Variants in GLT1D1 observed in about 807,000 individuals in gnomAD.
GLT1D1 encodes the protein glycosyltransferase 1 domain containing 1.
Under a neutral mutation model 28.7 loss-of-function variants are expected in GLT1D1, and 21 were observed. The observed-to-expected ratio is 0.73, with a 90% CI of 0.52 to 1.05. The LOEUF is 1.05. Among genes scored for constraint, GLT1D1 ranks in the 50% least tolerant of loss-of-function variants. The probability of loss-of-function intolerance (pLI) is 0.00; values close to 1 mark genes in which losing one functional copy is unlikely to be tolerated. For synonymous variants in GLT1D1, 147 were observed against 124.8 expected (o/e 1.18, Z -1.19); for missense variants, 343 against 330.6 (o/e 1.04, Z -0.29).
chr12:128,977,112 C>G (rs537696172), intron 7 of GLT1D1, among the ~76,000 whole-genome samples: 2 of 152,294 alleles, frequency 1.3e-5, no homozygotes, highest in East Asian at 3.9e-4. Context: ...CGCCGCTGCA[C>G]TCCAGCCTGG....
Position 128,983,519 on chromosome 12 carries a change from G to C in GLT1D1, c.*429G>C. On this transcript the variant is annotated 3_prime_UTR_variant, in exon 8 of 8. Coordinates refer to ENST00000281703, the MANE Select transcript of GLT1D1 (RefSeq NM_144669.3). The surrounding 1 kb of genome is among the most constrained non-coding windows in gnomAD (Gnocchi z 4.7). ...CAGTTTGAAAGGCAAAAGCAAAACA[G>C]ACGTGTCAGCTGAGCCGAGTCCTCG... 1 of 165,064 alleles carries C rather than the reference G, an allele frequency of 6.1e-6. No homozygotes were observed. The highest frequency in any genetic ancestry group is 1.3e-5 in the Non-Finnish European group (1 of 74,918). 10.2% of individuals were successfully genotyped at this position (165,064 alleles called of 1,614,324 possible). A position where few individuals can be genotyped will look rare whatever the true frequency, so the allele number is the denominator to read the frequency against.
intron 4 of GLT1D1, among the ~76,000 whole-genome samples, chr12:128,908,010 C>T (rs1017556205): frequency 4.6e-5 from 7 of 152,196 alleles, no homozygotes; most frequent in African/African-American, 1.4e-4. Flanking sequence ...TTTCTTGAGT[C>T]GCCCCAGTAG....
intron 1 of GLT1D1, among the ~76,000 whole-genome samples, chr12:128,872,943 T>A (rs1272622349): frequency 1.3e-5 from 2 of 152,142 alleles, no homozygotes; most frequent in African/African-American, 4.8e-5. Flanking sequence ...AGACCCAGGC[T>A]GAAGTGTAGT....
chr12:128,909,523 G>A (rs480893), intron 4 of GLT1D1, among the ~76,000 whole-genome samples: 148,465 of 152,308 alleles, frequency 0.97, 72,472 homozygotes, highest in East Asian at 1. Context: ...CAAAGCCACA[G>A]TCTGAAGTTG....
intron 2 of GLT1D1, among the ~76,000 whole-genome samples, chr12:128,877,635 C>G (rs1956900902): frequency 1.3e-5 from 2 of 152,114 alleles, no homozygotes; most frequent in Admixed American, 1.3e-4. Flanking sequence ...ACCTCTTATC[C>G]CCACTGTATT....
At chr12:128,926,237 A>G (rs549179195) in intron 4 of GLT1D1, 122 bp from the exon 7 acceptor site, 27 of 284,532 alleles carry the variant, frequency 9.5e-5, no homozygotes, top group African/African-American at 5.6e-4. Context: ...AATAATAATA[A>G]GAGTAGGAGA....
At chr12:128,891,155 A>G (rs1042295181) in intron 3 of GLT1D1, among the ~76,000 whole-genome samples, 1 of 151,918 alleles carries the variant, frequency 6.6e-6, no homozygotes, top group Non-Finnish European at 1.5e-5. Flanking sequence ...TAAATAAAAT[A>G]ATGATAAAAG....
intron 4 of GLT1D1, among the ~76,000 whole-genome samples, chr12:128,939,330 G>A (rs1052747693): frequency 6.6e-6 from 1 of 151,812 alleles, no homozygotes; most frequent in Non-Finnish European, 1.5e-5. Flanking sequence ...GGGAGGCCAA[G>A]GTGGGCGGAT....
intron 6 of GLT1D1, among the ~76,000 whole-genome samples, chr12:128,954,180 A>G (rs1409379506): frequency 4.1e-5 from 6 of 148,064 alleles, no homozygotes; most frequent in Non-Finnish European, 6.0e-5. Flanking sequence ...CTGGAGTGCA[A>G]TGGCGCGATC....
intron 2 of GLT1D1, among the ~76,000 whole-genome samples, chr12:128,881,084 C>A (rs369030310): frequency 1.3e-5 from 2 of 151,204 alleles, no homozygotes; most frequent in Admixed American, 1.3e-4. Flanking sequence ...TTTAGCCGGG[C>A]GTGTTGGCGG....
intron 7 of GLT1D1, among the ~76,000 whole-genome samples, chr12:128,982,295 TGTG>T (rs1426123974): frequency 1.3e-5 from 2 of 152,168 alleles, no homozygotes; most frequent in Admixed American, 6.5e-5. Flanking sequence ...AGATGGGAAA[TGTG>T]GTGCTCAGAG....
rs990596703 is a variant in GLT1D1, at chr12:128,903,972, G to A, written c.375+4685G>A. On this transcript the variant is annotated intron_variant, in intron 4 of 7. Coordinates refer to ENST00000281703, the MANE Select transcript of GLT1D1 (RefSeq NM_144669.3). ...TCTCGAACTCCTGACCATGTGATCCGCCCGCCTTGGCCTCCCAAAGTGCTG... is the reference window on the plus strand; with the variant it reads ...TCTCGAACTCCTGACCATGTGATCCACCCGCCTTGGCCTCCCAAAGTGCTG... Among the ~76,000 whole-genome samples, 19 of 151,832 alleles carry A rather than the reference G, an allele frequency of 1.3e-4. No individual in the cohort carries two copies. In the East Asian group the frequency reaches 1.9e-3, roughly 15 times the overall value.
chr12:128,972,024 G>A (rs1231480083), intron 7 of GLT1D1, among the ~76,000 whole-genome samples: 4 of 151,452 alleles, frequency 2.6e-5, no homozygotes, highest in African/African-American at 4.9e-5. Flanking sequence ...TGTCGCACAC[G>A]TCAAGGCTCC....
At chr12:128,899,344 A>G in intron 4 of GLT1D1, 57 bp downstream of exon 4, 1 of 1,436,160 alleles carries the variant, frequency 7.0e-7, no homozygotes, top group South Asian at 1.1e-5. Flanking sequence ...GCAGAATTCG[A>G]GAACCGAAAG....
At chr12:128,854,084 G>A (rs1055560488) in intron 1 of GLT1D1, among the ~76,000 whole-genome samples, 6 of 151,988 alleles carry the variant, frequency 3.9e-5, no homozygotes, top group African/African-American at 1.5e-4. Context: ...TCGGCTGTGT[G>A]CCGGCGTCCG....
chr12:128,860,063 G>A (rs1464721065), intron 1 of GLT1D1, among the ~76,000 whole-genome samples: 1 of 152,180 alleles, frequency 6.6e-6, no homozygotes, highest in Non-Finnish European at 1.5e-5. Flanking sequence ...AGCTGCTAGC[G>A]AGTATTCTGA....
In GLT1D1 at chr12:128,984,553, C is replaced by T. The variant is rs1421441734; in HGVS notation, c.*1463C>T. The T allele has an allele frequency of 6.6e-6, 1 of 152,176 alleles. No homozygotes were observed. Among genetic ancestry groups the T allele is most frequent in the Non-Finnish European group, 1.5e-5 (1 of 68,132 alleles). The allele number at this position is 152,176 out of a possible 1,614,324, so 9.4% of individuals were successfully genotyped here. On this transcript the variant is annotated 3_prime_UTR_variant, in exon 8 of 8. Coordinates refer to ENST00000281703, the MANE Select transcript of GLT1D1 (RefSeq NM_144669.3). ...GGCTCCCAGCCGTGAGAGGACTGCT[C>T]AACAATGCCCCCCATCGCCGCCCCC...
At chr12:128,879,422 C>CTTTCT (rs1026099463) in intron 2 of GLT1D1, among the ~76,000 whole-genome samples, 2 of 96,440 alleles carry the variant, frequency 2.1e-5, no homozygotes, top group African/African-American at 9.0e-5. Flanking sequence ...TTCTTTCTTT[C>CTTTCT]TTTCTTTCTT....
At chr12:128,931,469 G>A (rs550373896) in intron 4 of GLT1D1, among the ~76,000 whole-genome samples, 3 of 151,204 alleles carry the variant, frequency 2.0e-5, no homozygotes, top group South Asian at 2.1e-4. Context: ...CACTACGTCC[G>A]GCAAATTTTG....
Sources: gnomAD v4.1 joint callset for allele counts (sites outside exome capture counted in the v4.1 genomes callset) on GRCh38, gnomAD v4.1.1 for gene constraint, Gnocchi (gnomAD v3.1) non-coding constraint, MANE v1.5 for transcripts, NCBI Gene and HGNC (gene_info 2026-07-23, HGNC 2026-07-21) for gene names.